LARP4B: variants seen among roughly 807,000 people sequenced by gnomAD.
LARP4B encodes the protein La ribonucleoprotein 4B.
In LARP4B, 12 loss-of-function variants were observed where a neutral mutation model predicts 89.8. The ratio of observed to expected loss-of-function variants is 0.13; its 90% CI spans 0.09 to 0.22. LARP4B has a LOEUF of 0.22. LARP4B is among the 10% of genes least tolerant of loss of function. The pLI is 1.00. For missense variants in LARP4B, 757 were observed against 947.7 expected (o/e 0.80, Z 2.64); for synonymous variants, 367 against 363.3 (o/e 1.01, Z -0.12).
chr10:951,900 C>T, the LARP4B span, among the ~76,000 whole-genome samples: 1 of 146,422 alleles, frequency 6.8e-6, no homozygotes, highest in Non-Finnish European at 1.5e-5. Context: ...AGGAAGAAAT[C>T]GCAGCAGCCC....
chr10:819,510 C>T (rs1001817027), intron 14 of LARP4B: 2 of 152,222 alleles, frequency 1.3e-5, no homozygotes, highest in African/African-American at 4.8e-5. Context: ...GTACATAAGA[C>T]GATGGGCGTA....
chr10:970,928 G>A, the LARP4B span, among the ~76,000 whole-genome samples: 1 of 152,200 alleles, frequency 6.6e-6, no homozygotes, highest in African/African-American at 2.4e-5. Context: ...TCCAAGCGGT[G>A]GCCTTGGCTC....
At chr10:851,006 C>T (rs1414369456) in intron 5 of LARP4B, among the ~76,000 whole-genome samples, 1 of 151,982 alleles carries the variant, frequency 6.6e-6, no homozygotes, top group East Asian at 1.9e-4. Flanking sequence ...ATGACTATAT[C>T]AGAAAATAAG....
At chr10:894,799 T>C (rs1836138188) in intron 1 of LARP4B, among the ~76,000 whole-genome samples, 3 of 152,168 alleles carry the variant, frequency 2.0e-5, no homozygotes, top group Admixed American at 2.0e-4. Context: ...AACAAAAATA[T>C]ATGAATGGTG....
chr10:901,048 T>A (rs1170307147), intron 1 of LARP4B, among the ~76,000 whole-genome samples: 4 of 151,404 alleles, frequency 2.6e-5, no homozygotes, highest in Non-Finnish European at 5.9e-5. Flanking sequence ...GCCTCATGAG[T>A]AGCTGGGATT....
At chr10:813,365 T>G (rs1831845882) in intron 17 of LARP4B, 152 bp from the exon 18 acceptor site, 1 of 765,232 alleles carries the variant, frequency 1.3e-6, no homozygotes, top group Non-Finnish European at 2.0e-6. Context: ...TCATAAAATC[T>G]AATGATTTAG....
chr10:907,117 A>G (rs985414417), intron 1 of LARP4B, among the ~76,000 whole-genome samples: 3 of 152,250 alleles, frequency 2.0e-5, no homozygotes, highest in East Asian at 3.8e-4. Context: ...GGAATACAGC[A>G]TATCAAATTA....
intron 2 of LARP4B, 70 bp downstream of exon 2, chr10:885,571 T>C: frequency 9.0e-7 from 1 of 1,106,528 alleles, no homozygotes; most frequent in South Asian, 1.4e-5. Context: ...AACTCCTTAC[T>C]AACTCCAATA....
chr10:895,940 C>A (rs1306015518), intron 1 of LARP4B, among the ~76,000 whole-genome samples: 1 of 152,154 alleles, frequency 6.6e-6, no homozygotes, highest in Non-Finnish European at 1.5e-5. Context: ...ATTTTTATTA[C>A]ACGTCTTCAT....
At chr10:973,082 G>A in the LARP4B span, 1 of 360,882 alleles carries the variant, frequency 2.8e-6, no homozygotes, top group Non-Finnish European at 5.4e-6. Context: ...CTGACCCTGT[G>A]CTGCGGGCTG....
intron 1 of LARP4B, among the ~76,000 whole-genome samples, chr10:915,281 C>A (rs1836788897): frequency 6.6e-6 from 1 of 151,832 alleles, no homozygotes; most frequent in South Asian, 2.1e-4. Flanking sequence ...CAGACCCTGT[C>A]TCCAGGGGAA....
chr10:938,611 A>C, the LARP4B span, among the ~76,000 whole-genome samples: 1 of 152,172 alleles, frequency 6.6e-6, no homozygotes, highest in Admixed American at 6.6e-5. Flanking sequence ...AGGAGATAGC[A>C]ATGAATTATT....
the LARP4B span, among the ~76,000 whole-genome samples, chr10:980,365 T>C: frequency 6.6e-6 from 1 of 152,224 alleles, no homozygotes; most frequent in African/African-American, 2.4e-5. Flanking sequence ...GTGGGGACTC[T>C]GTGTGGGGGC....
intron 8 of LARP4B, among the ~76,000 whole-genome samples, chr10:836,030 C>A (rs955096607): frequency 6.6e-6 from 1 of 152,044 alleles, no homozygotes; most frequent in Non-Finnish European, 1.5e-5. Flanking sequence ...GAGTTATTCA[C>A]GATGCCCCTT....
chr10:960,772 G>T, the LARP4B span, among the ~76,000 whole-genome samples: 2 of 145,042 alleles, frequency 1.4e-5, no homozygotes, highest in Non-Finnish European at 3.0e-5. Context: ...AATGATTGAT[G>T]AATTAATTAT....
the LARP4B span, among the ~76,000 whole-genome samples, chr10:949,922 C>G: frequency 3.5e-4 from 54 of 152,224 alleles, 2 homozygotes; most frequent in East Asian, 9.8e-3. Flanking sequence ...ACTACAGGTG[C>G]GTGCCACCAC....
chr10:869,058 TAG>T (rs1389723525), intron 3 of LARP4B, among the ~76,000 whole-genome samples: 1 of 152,184 alleles, frequency 6.6e-6, no homozygotes, highest in Non-Finnish European at 1.5e-5. Context: ...TAGCTGCCCA[TAG>T]AGTCATTTGC....
chr10:812,956 C>T lies in LARP4B; in HGVS notation c.2187G>A (p.Glu729=), dbSNP rs1434398413. The T allele has an allele frequency of 1.3e-6, 2 of 1,562,368 alleles. No individual in the cohort carries two copies. Among genetic ancestry groups the T allele is most frequent in the African/African-American group, 2.8e-5 (2 of 72,118 alleles). Residue 729 remains glutamate (E), a synonymous_variant, in exon 18 of 18, where the codon GAG becomes GAA. Transcript: ENST00000316157. Reference sequence around the variant, plus strand: ...GAGGAGACTTGGGGGGAGTGCTCTGCTCTCGGCTGAGACGCTTCCCCATGG... The same window carrying T: ...GAGGAGACTTGGGGGGAGTGCTCTGTTCTCGGCTGAGACGCTTCCCCATGG... ...PSAMGKRLSR[E]QSTPPKSPQ
chr10:827,622 C>T (rs1341835875), intron 11 of LARP4B, among the ~76,000 whole-genome samples: 7 of 152,120 alleles, frequency 4.6e-5, no homozygotes, highest in East Asian at 1.9e-4. Flanking sequence ...TGGCACACAC[C>T]GCAACCTGAA....
Sources: allele counts gnomAD v4.1 joint callset (sites outside exome capture counted in the v4.1 genomes callset), GRCh38; gene constraint gnomAD v4.1.1; transcripts MANE v1.5; gene names NCBI Gene and HGNC (gene_info 2026-07-23, HGNC 2026-07-21).